The following EEF1D variants were observed in gnomAD, a reference collection of about 807,000 sequenced individuals.
EEF1D encodes the protein elongation factor 1-delta.
In EEF1D, 47 loss-of-function variants were observed where a neutral mutation model predicts 63.9. The observed-to-expected ratio is 0.74, with a 90% CI of 0.58 to 0.94. EEF1D has a LOEUF of 0.94. Ranked by LOEUF, EEF1D falls within the 40% of genes least tolerant of loss-of-function variation. EEF1D has a pLI of 0.00. For synonymous variants in EEF1D, 412 were observed against 386.1 expected (o/e 1.07, Z -0.79); for missense variants, 907 against 899.0 (o/e 1.01, Z -0.11).
At chr8:143,590,182 G>C (rs755601653) in intron 2 of EEF1D, 101 bp from the exon 3 acceptor site, 13 of 1,537,746 alleles carry the variant, frequency 8.5e-6, no homozygotes, top group East Asian at 2.4e-5. Flanking sequence ...CCTCCCCGTG[G>C]CTGCCCTCCC....
chr8:143,587,076 C>T (rs1259585579), intron 3 of EEF1D: 5 of 460,732 alleles, frequency 1.1e-5, no homozygotes, highest in Non-Finnish European at 1.9e-5. Flanking sequence ...CTGAGGGTCC[C>T]CAGGCCCTTC....
intron 1 of EEF1D, chr8:143,596,337 G>A (rs549029970): frequency 1.3e-5 from 2 of 152,300 alleles, no homozygotes; most frequent in African/African-American, 2.4e-5. Context: ...TGGTGAGAAG[G>A]CGAAGGTGAG....
At position 143,586,752 on chromosome 8, in the gene EEF1D, G is replaced by A. The variant is rs1215179084; in HGVS notation, c.1192C>T (p.Pro398Ser). The A allele has an allele frequency of 6.8e-6, 11 of 1,613,964 alleles. No individual in the cohort carries two copies. In the South Asian group the frequency reaches 1.2e-4, roughly 18 times the overall value. The change falls in exon 4 of 10, where the codon CCT (proline) becomes TCT (serine). Residue 398 changes from proline (P) to serine (S), a missense_variant. By Grantham distance (74) the Pro-to-Ser change is moderately conservative. Transcript: ENST00000618139. ...ACCTGGCGGGAGGCACCTGCCACAGGCCCGTTCATCTGCTCGTAGAATCTC... is the reference window on the plus strand; with the variant it reads ...ACCTGGCGGGAGGCACCTGCCACAGACCCGTTCATCTGCTCGTAGAATCTC... ...ERRFYEQMNGPVAGASRQENG... is the reference protein window; with the variant it reads ...ERRFYEQMNGSVAGASRQENG...
intron 2 of EEF1D, chr8:143,590,384 G>T: frequency 1.6e-6 from 1 of 626,478 alleles, no homozygotes; most frequent in Non-Finnish European, 2.7e-6. Context: ...AATTTTGTTA[G>T]TGAATGTATG....
chr8:143,593,971 C>G, intron 1 of EEF1D: 1 of 956,040 alleles, frequency 1.0e-6, no homozygotes, highest in Non-Finnish European at 1.2e-6. Context: ...TCCTCTCCAG[C>G]AGGAGAGCCC....
intron 3 of EEF1D, 61 bp downstream of exon 3, chr8:143,588,930 G>T: frequency 6.5e-7 from 1 of 1,529,498 alleles, no homozygotes; most frequent in Non-Finnish European, 8.7e-7. Context: ...GCCCCAGCCT[G>T]GGATGGCTGT....
rs757329351 is a variant in EEF1D, at chr8:143,580,155, G to C, written c.1762C>G (p.Gln588Glu). The C allele has an allele frequency of 6.2e-7, 1 of 1,613,816 alleles. No individual in the cohort carries two copies. Among genetic ancestry groups the C allele is most frequent in the East Asian group, 2.2e-5 (1 of 44,874 alleles). The change falls in exon 9 of 10, where the codon CAG (glutamine) becomes GAG (glutamate). Residue 588 changes from glutamine (Q) to glutamate (E), a missense_variant. By Grantham distance (29) the Gln-to-Glu change is conservative. Transcript: ENST00000618139. ...GCCCCCCAGACCAGCCCGTCCAGCT[G>C]GATAGAGCGCACACAGGCCTCCAGC... ...AQLEACVRSI[Q>E]LDGLVWGASK...
In EEF1D at chr8:143,580,613, TG is replaced by T; in HGVS notation, c.1602del (p.Asp534GlufsTer117). On this transcript the variant is annotated frameshift_variant, in exon 8 of 10. Transcript: ENST00000618139. LOFTEE classifies it high-confidence loss of function. ...DLFGSDNEEE[D>X]KEAAQLREER... ...TCCTCCCGCAGCTGTGCCGCCTCCT[TG>T]TCCTCCTCCTCATTGTCACTGCCAA... 6.2e-7 allele frequency: 1 copy of T among 1,613,806 alleles called. No individual in the cohort carries two copies. Among genetic ancestry groups the T allele is most frequent in the East Asian group, 2.2e-5 (1 of 44,882 alleles).
chr8:143,594,707 C>T (rs1055471609), intron 1 of EEF1D, among the ~76,000 whole-genome samples: 2 of 152,234 alleles, frequency 1.3e-5, no homozygotes, highest in African/African-American at 4.8e-5. Flanking sequence ...CCCAGCAGCA[C>T]CCCTCTCCGG....
At chr8:143,592,445 T>G (rs544028100) in intron 2 of EEF1D, among the ~76,000 whole-genome samples, 1 of 151,796 alleles carries the variant, frequency 6.6e-6, no homozygotes, top group South Asian at 2.1e-4. Flanking sequence ...GACAGGACCC[T>G]GCTCACGGCC....
rs771442790 is a variant in EEF1D, at chr8:143,580,617, C to G, written c.1599G>C (p.Glu533Asp). 34 of 1,613,666 alleles carry G rather than the reference C, an allele frequency of 2.1e-5. 1 individual carries two copies. Among genetic ancestry groups the G allele is most frequent in the South Asian group, 1.9e-4 (17 of 91,044 alleles). ...CCCGCAGCTGTGCCGCCTCCTTGTC[C>G]TCCTCCTCATTGTCACTGCCAAACA... ...IDLFGSDNEE[E>D]DKEAAQLREE... is the part of the protein sequence containing the mutation. Residue 533 changes from glutamate (E) to aspartate (D), a missense_variant, in exon 8 of 10, where the codon GAG becomes GAC. Coordinates refer to ENST00000618139, the MANE Select transcript of EEF1D (RefSeq NM_001130053.5).
At chr8:143,585,496 A>G (rs547085423) in intron 5 of EEF1D, among the ~76,000 whole-genome samples, 1 of 152,338 alleles carries the variant, frequency 6.6e-6, no homozygotes, top group East Asian at 1.9e-4. Flanking sequence ...CCGGCATGAT[A>G]CAGATGTACT....
rs1275314679 is a variant in EEF1D at position 143,581,348 on chromosome 8, G to A, written c.1288-20C>T. 9.3e-6 allele frequency: 15 copies of A among 1,604,490 alleles called. No homozygotes were observed. Among genetic ancestry groups the A allele is most frequent in the Non-Finnish European group, 1.3e-5 (15 of 1,176,554 alleles). On this transcript the variant is annotated intron_variant, in intron 5 of 9. Transcript: ENST00000618139. The stretch of plus-strand genomic sequence containing the variant: ...TGAGCTCTGCAAGGCAGGAGGAGGG[G>A]AGGGCTCAGTGCCCAGCCTGCTCCT...
chr8:143,582,326 G>A (rs1825718695), intron 5 of EEF1D: 2 of 152,446 alleles, frequency 1.3e-5, no homozygotes, highest in Non-Finnish European at 1.5e-5. Context: ...AAGGCCAGGA[G>A]GAAATGGACA....
chr8:143,581,433 GA>G, intron 5 of EEF1D, 105 bp from the exon 6 acceptor site: 1 of 1,034,788 alleles, frequency 9.7e-7, no homozygotes. Context: ...TACAGCTCGG[GA>G]GAGCAGGAGG....
Position 143,589,114 on chromosome 8 carries a change from T to C in EEF1D, c.968A>G (p.Asp323Gly). The change falls in exon 3 of 10, where the codon GAC becomes GGC. Residue 323 changes from aspartate to glycine, a missense_variant. Coordinates refer to ENST00000618139, the MANE Select transcript of EEF1D (RefSeq NM_001130053.5). ...EAPWLSKPAY[D>G]SAECRHHAAE... ...AGCGTGGTGGCGGCACTCGGCGCTG[T>C]CGTAGGCAGGCTTGCTGAGCCAGGG... is the stretch of plus-strand genomic sequence containing the variant. 1 of 1,610,398 alleles carries C rather than the reference T, an allele frequency of 6.2e-7. No homozygotes were observed. The highest frequency in any genetic ancestry group is 8.5e-7 in the Non-Finnish European group (1 of 1,179,082).
intron 9 of EEF1D, 55 bp downstream of exon 9, chr8:143,579,957 A>G: frequency 1.9e-6 from 3 of 1,584,984 alleles, no homozygotes; most frequent in Non-Finnish European, 2.6e-6. Context: ...AGTGCAGGGT[A>G]TGGGCCAGGG....
chr8:143,586,328 T>C, intron 4 of EEF1D, 38 bp from the exon 5 acceptor site: 1 of 1,471,068 alleles, frequency 6.8e-7, no homozygotes, highest in Non-Finnish European at 9.0e-7. Context: ...TTTTTTTTAT[T>C]ATTAAAAAAG....
At chr8:143,584,763 CG>C (rs993129956) in intron 5 of EEF1D, among the ~76,000 whole-genome samples, 9 of 151,956 alleles carry the variant, frequency 5.9e-5, no homozygotes, top group African/African-American at 1.9e-4. Context: ...AAAATGACAG[CG>C]GGGGGGACCA....
Sources: allele counts gnomAD v4.1 joint callset (sites outside exome capture counted in the v4.1 genomes callset), GRCh38; gene constraint gnomAD v4.1.1; transcripts MANE v1.5; gene names NCBI Gene and HGNC (gene_info 2026-07-23, HGNC 2026-07-21).